Variants in DGKD observed in about 807,000 individuals in gnomAD.
DGKD encodes the protein diacylglycerol kinase delta.
In DGKD, 68 loss-of-function variants were observed where a neutral mutation model predicts 154.4. The observed-to-expected ratio is 0.44, with a 90% CI of 0.36 to 0.54. The LOEUF (loss-of-function observed/expected upper bound fraction) is 0.54, where lower values mean the gene tolerates loss of function less well. DGKD is among the 20% of genes least tolerant of loss of function. The pLI is 0.00. For synonymous variants in DGKD, 693 were observed against 638.0 expected (o/e 1.09, Z -1.30); for missense variants, 1,343 against 1,593.6 (o/e 0.84, Z 2.68).
Position 233,445,552 on chromosome 2 carries a change from A to AGGGCTGC in DGKD, c.1195-64_1195-58dup. On this transcript the variant is annotated intron_variant, in intron 10 of 29. Coordinates refer to ENST00000264057, the MANE Select transcript of DGKD (RefSeq NM_152879.3). This position sits in a 1 kb window ranked among gnomAD's most constrained non-coding sequence, Gnocchi z 5.5. ...GTAACCCTCACGGTGGGGGACAAGG[A>AGGGCTGC]GGGCTGCGGGCTGGGAAGTGGCCCC... 6.6e-7 allele frequency: 1 copy of AGGGCTGC among 1,513,272 alleles called. No individual in the cohort carries two copies. The highest frequency in any genetic ancestry group is 1.3e-5 in the South Asian group (1 of 74,838). The allele number at this position is 1,513,272 out of a possible 1,614,324, so 93.7% of individuals were successfully genotyped here. A position where few individuals can be genotyped will look rare whatever the true frequency, so the allele number is the denominator to read the frequency against.
In DGKD at chr2:233,457,454, T is replaced by C; in HGVS notation, c.2580+126T>C. The stretch of plus-strand genomic sequence containing the variant: ...TGTTGTGCCAGCAGTGGGGTTGCCG[T>C]GGAGAACAAGATAGACAGGGTCCCC... On this transcript the variant is annotated intron_variant, in intron 21 of 29. Coordinates refer to ENST00000264057, the MANE Select transcript of DGKD (RefSeq NM_152879.3). This position sits in a 1 kb window ranked among gnomAD's most constrained non-coding sequence, Gnocchi z 5.5. 1 of 766,906 alleles carries C rather than the reference T, an allele frequency of 1.3e-6. No homozygotes were observed. The highest frequency in any genetic ancestry group is 2.3e-6 in the Non-Finnish European group (1 of 437,574). 47.5% of individuals were successfully genotyped at this position (766,906 alleles called of 1,614,324 possible).
chr2:233,450,132 G>C lies in DGKD; in HGVS notation c.2038+1G>C. On this transcript the variant is annotated splice_donor_variant, in intron 16 of 29. Transcript: ENST00000264057. LOFTEE classifies it high-confidence loss of function. ...CCCAAGGGGAGGAGCCAGCGCAAAGGTACTTGTGCCTCCACCTCCCTCTGC... is the reference window on the plus strand; with the variant it reads ...CCCAAGGGGAGGAGCCAGCGCAAAGCTACTTGTGCCTCCACCTCCCTCTGC... 6.2e-7 allele frequency: 1 copy of C among 1,606,114 alleles called. No homozygotes were observed. Among genetic ancestry groups the C allele is most frequent in the Non-Finnish European group, 8.5e-7 (1 of 1,175,346 alleles).
At chr2:233,420,222 C>T (rs1299347859) in intron 3 of DGKD, among the ~76,000 whole-genome samples, 1 of 152,188 alleles carries the variant, frequency 6.6e-6, no homozygotes, top group African/African-American at 2.4e-5. Context: ...CAGAGTCTGG[C>T]TACTGGCATG....
Position 233,440,889 on chromosome 2 carries a change from G to A in DGKD, c.1086-998G>A, listed in dbSNP as rs1055887744. On this transcript the variant is annotated intron_variant, in intron 9 of 29. Transcript: ENST00000264057. The surrounding 1 kb of genome is among the most constrained non-coding windows in gnomAD (Gnocchi z 4.9). ...GAGCACGGTGGTGACCTGAGCGGGT[G>A]GCTGGGTTGGGTGTGGAGGAGAGGC... is the stretch of plus-strand genomic sequence containing the variant. Among the ~76,000 whole-genome samples the A allele has an allele frequency of 5.9e-5, 9 of 152,150 alleles. No homozygotes were observed. The highest frequency in any genetic ancestry group is 1.2e-4 in the Non-Finnish European group (8 of 68,024).
Position 233,367,840 on chromosome 2 carries a change from CT to C in DGKD, c.156+13176del, listed in dbSNP as rs1409097749. Among the ~76,000 whole-genome samples, 855 of 132,796 alleles carry C rather than the reference CT, an allele frequency of 6.4e-3. 15 individuals carry two copies. Among genetic ancestry groups the C allele is most frequent in the African/African-American group, 0.023 (786 of 33,644 alleles). 87.1% of individuals were successfully genotyped at this position (132,796 alleles called of 152,430 possible). On this transcript the variant is annotated intron_variant, in intron 1 of 29. Transcript: ENST00000264057. ...ACAGATTTCTAGGTCTTTTCTTCCT[CT>C]TTTTTTTTTCTTTTTTTTTTTTTTT... is the stretch of plus-strand genomic sequence containing the variant.
At chr2:233,376,913 C>A (rs911934660) in intron 1 of DGKD, among the ~76,000 whole-genome samples, 2 of 152,054 alleles carry the variant, frequency 1.3e-5, no homozygotes, top group African/African-American at 4.8e-5. Flanking sequence ...CCTGTCTCAT[C>A]TACCCTGTTC....
intron 1 of DGKD, among the ~76,000 whole-genome samples, chr2:233,355,495 G>C (rs560604493): frequency 8.3e-4 from 127 of 152,362 alleles, no homozygotes; most frequent in African/African-American, 2.9e-3. Flanking sequence ...CCCTGGGGCA[G>C]CTCTGGCAGA....
Position 233,442,007 on chromosome 2 carries a change from G to A in DGKD, c.1194+12G>A, listed in dbSNP as rs2062908979. On this transcript the variant is annotated intron_variant, in intron 10 of 29. Transcript: ENST00000264057. ...ACCTTCATAAACAGGTACCAGGACA[G>A]GAGGGAGCCCAGCCAGGAGCAGAGA... 1 of 1,611,942 alleles carries A rather than the reference G, an allele frequency of 6.2e-7. No individual in the cohort carries two copies. Among genetic ancestry groups the A allele is most frequent in the Non-Finnish European group, 8.5e-7 (1 of 1,178,070 alleles).
In DGKD at chr2:233,429,215, A is replaced by G. The variant is rs1048010196; in HGVS notation, c.349-5165A>G. ...GTAAAGGCTGCCGTGGGAGTAGTAG[A>G]CTCAGGACCTAAAACATCTCCTTGT... On this transcript the variant is annotated intron_variant, in intron 3 of 29. Transcript: ENST00000264057. The G allele has an allele frequency of 9.1e-6, 9 of 985,192 alleles. No homozygotes were observed. In the African/African-American group the frequency reaches 1.2e-4, roughly 13 times the overall value. 61.0% of individuals were successfully genotyped at this position (985,192 alleles called of 1,614,324 possible). A position where few individuals can be genotyped will look rare whatever the true frequency, so the allele number is the denominator to read the frequency against.
At chr2:233,360,919 A>T (rs1179415014) in intron 1 of DGKD, among the ~76,000 whole-genome samples, 1 of 151,430 alleles carries the variant, frequency 6.6e-6, no homozygotes, top group Non-Finnish European at 1.5e-5. Context: ...GAGCCTTTAG[A>T]GGGAGTGCGG....
At chr2:233,362,437 G>T (rs534259912) in intron 1 of DGKD, among the ~76,000 whole-genome samples, 23 of 152,312 alleles carry the variant, frequency 1.5e-4, no homozygotes, top group African/African-American at 5.3e-4. Flanking sequence ...GATCACCTGA[G>T]GTTAGGAGTT....
chr2:233,436,650 T>C (rs145206742), intron 7 of DGKD, among the ~76,000 whole-genome samples: 1 of 152,394 alleles, frequency 6.6e-6, no homozygotes, highest in Non-Finnish European at 1.5e-5. Context: ...ATTCCTGTCT[T>C]TAGACATATG....
Position 233,470,921 on chromosome 2 carries a change from A to ATCTGATGTGCAGATGT in DGKD, c.*1461_*1462insTCTGATGTGCAGATGT, listed in dbSNP as rs2063993210. 2.6e-5 allele frequency: 4 copies of ATCTGATGTGCAGATGT among 152,338 alleles called. No homozygotes were observed. The highest frequency in any genetic ancestry group is 5.9e-5 in the Non-Finnish European group (4 of 68,096). 9.4% of individuals were successfully genotyped at this position (152,338 alleles called of 1,614,324 possible). On this transcript the variant is annotated 3_prime_UTR_variant, in exon 30 of 30. Transcript: ENST00000264057. ...CCGGCGCTGTCCAGGTCCTTTAGTC[A>ATCTGATGTGCAGATGT]GCGTCACTCCATCTGATGTGCAGAA...
intron 2 of DGKD, among the ~76,000 whole-genome samples, chr2:233,389,853 A>G (rs1426556868): frequency 6.6e-6 from 1 of 152,178 alleles, no homozygotes; most frequent in Non-Finnish European, 1.5e-5. Flanking sequence ...CTCCAGGACC[A>G]GGATCCTTCT....
At chr2:233,415,899 G>A (rs1196341947) in intron 3 of DGKD, among the ~76,000 whole-genome samples, 2 of 152,118 alleles carry the variant, frequency 1.3e-5, no homozygotes, top group African/African-American at 4.8e-5. Context: ...GCACTGATTG[G>A]CAGGCATGAG....
chr2:233,464,027 TG>T, intron 26 of DGKD, 136 bp from the exon 27 acceptor site: 1 of 1,249,408 alleles, frequency 8.0e-7, no homozygotes, highest in Non-Finnish European at 1.1e-6. Flanking sequence ...TCTGGTGCTC[TG>T]GGACTTCGTT....
intron 3 of DGKD, chr2:233,408,784 C>A (rs2061749219): frequency 6.6e-6 from 1 of 152,266 alleles, no homozygotes; most frequent in African/African-American, 2.4e-5. Flanking sequence ...CCTGCGGGAT[C>A]AGGTGCAGAA....
At chr2:233,429,791 C>CT (rs1207355812) in intron 3 of DGKD, among the ~76,000 whole-genome samples, 1 of 152,264 alleles carries the variant, frequency 6.6e-6, no homozygotes, top group Non-Finnish European at 1.5e-5. Flanking sequence ...CGCCCTCACT[C>CT]TCTCCCAGCT....
In DGKD at chr2:233,457,423, C is replaced by T. The variant is rs1480789213; in HGVS notation, c.2580+95C>T. ...TCTGCTGTGGCTGGGGTGGATCCAG[C>T]TCTTCTGTTGTGCCAGCAGTGGGGT... On this transcript the variant is annotated intron_variant, in intron 21 of 29. Coordinates refer to ENST00000264057, the MANE Select transcript of DGKD (RefSeq NM_152879.3). The surrounding 1 kb of genome is among the most constrained non-coding windows in gnomAD (Gnocchi z 5.5). 1.1e-6 allele frequency: 1 copy of T among 951,882 alleles called. No individual in the cohort carries two copies. 59.0% of individuals were successfully genotyped at this position (951,882 alleles called of 1,614,324 possible).
Sources: allele counts gnomAD v4.1 joint callset (sites outside exome capture counted in the v4.1 genomes callset), GRCh38; gene constraint gnomAD v4.1.1; non-coding constraint Gnocchi (gnomAD v3.1); transcripts MANE v1.5; gene names NCBI Gene and HGNC (gene_info 2026-07-23, HGNC 2026-07-21).